The following SGCD variants were observed in gnomAD, a reference collection of about 807,000 sequenced individuals.
SGCD encodes sarcoglycan delta.
SGCD carries 18 observed loss-of-function variants against 36.6 expected under a neutral mutation model. That is an observed-to-expected ratio of 0.49 (90% CI 0.34 to 0.73). The LOEUF is 0.73. SGCD is among the 30% of genes least tolerant of loss of function. SGCD has a pLI of 0.01. For synonymous variants in SGCD, 133 were observed against 130.6 expected (o/e 1.02, Z -0.12); for missense variants, 387 against 346.7 (o/e 1.12, Z -0.92).
intron 3 of SGCD, among the ~76,000 whole-genome samples, chr5:156,352,844 A>G (rs1355265066): frequency 6.6e-6 from 1 of 152,202 alleles, no homozygotes; most frequent in Non-Finnish European, 1.5e-5. Flanking sequence ...GTGAATGATG[A>G]AACTGGGATG....
At position 156,047,799 on chromosome 5, in the gene SGCD, T is replaced by G. The variant is rs180803430; in HGVS notation, c.-281-70079T>G. Among the ~76,000 whole-genome samples the G allele has an allele frequency of 1.9e-3, 288 of 152,236 alleles. 1 individual carries two copies. The highest frequency in any genetic ancestry group is 6.8e-3 in the African/African-American group (281 of 41,556). Reference sequence around the variant, plus strand: ...CAGCCCATGGATCAAAGATTTATTTTGAATTTCAAGCCTTATTTCTCTTTT... The same window carrying G: ...CAGCCCATGGATCAAAGATTTATTTGGAATTTCAAGCCTTATTTCTCTTTT... On this transcript the variant is annotated intron_variant, in intron 1 of 9. Transcript: ENST00000517913.
intron 3 of SGCD, among the ~76,000 whole-genome samples, chr5:156,274,032 C>T (rs1321014973): frequency 6.6e-6 from 1 of 152,070 alleles, no homozygotes; most frequent in Admixed American, 6.6e-5. Context: ...CATTTGCATC[C>T]CCAGGGGGCT....
chr5:156,225,681 T>G (rs1308161587), intron 3 of SGCD, among the ~76,000 whole-genome samples: 3 of 152,042 alleles, frequency 2.0e-5, no homozygotes, highest in African/African-American at 7.2e-5. Flanking sequence ...ATTGTCTCTA[T>G]CAATAGTATC....
chr5:156,135,407 A>ATGTG (rs1173148476), intron 3 of SGCD, among the ~76,000 whole-genome samples: 1 of 152,138 alleles, frequency 6.6e-6, no homozygotes, highest in Non-Finnish European at 1.5e-5. Flanking sequence ...GATATAAGAC[A>ATGTG]CCTGGTACAT....
At chr5:156,217,711 CATAA>C (rs1329932173) in intron 3 of SGCD, among the ~76,000 whole-genome samples, 1 of 151,846 alleles carries the variant, frequency 6.6e-6, no homozygotes, top group East Asian at 1.9e-4. Context: ...TCAGGCAGGG[CATAA>C]ATAAATTAAT....
chr5:156,103,453 C>G (rs1188377291), intron 1 of SGCD, among the ~76,000 whole-genome samples: 1 of 150,396 alleles, frequency 6.6e-6, no homozygotes, highest in East Asian at 1.9e-4. Flanking sequence ...TTTATTTCTT[C>G]TCAGTTTAAC....
chr5:156,528,738 A>G (rs541550763), intron 4 of SGCD, among the ~76,000 whole-genome samples: 17 of 152,278 alleles, frequency 1.1e-4, no homozygotes, highest in Admixed American at 5.2e-4. Context: ...TTGACCTCCT[A>G]TATGCCTTGA....
At chr5:155,904,511 T>A (rs1242218603) in intron 1 of SGCD, among the ~76,000 whole-genome samples, 2 of 152,228 alleles carry the variant, frequency 1.3e-5, no homozygotes, top group South Asian at 2.1e-4. Flanking sequence ...TTTTAATTTG[T>A]TCGTATGTTT....
intron 1 of SGCD, among the ~76,000 whole-genome samples, chr5:156,034,242 C>T (rs1052050935): frequency 6.6e-6 from 1 of 152,160 alleles, no homozygotes; most frequent in Non-Finnish European, 1.5e-5. Flanking sequence ...CATTTAGGAT[C>T]CAGATCCAAG....
chr5:156,075,439 T>A (rs1190613432), intron 1 of SGCD, among the ~76,000 whole-genome samples: 1 of 152,196 alleles, frequency 6.6e-6, no homozygotes, highest in Non-Finnish European at 1.5e-5. Flanking sequence ...AGAGGTAGTC[T>A]ATAAGAGACT....
chr5:156,380,286 C>CGTT, intron 3 of SGCD, among the ~76,000 whole-genome samples: 1 of 152,262 alleles, frequency 6.6e-6, no homozygotes, highest in South Asian at 2.1e-4. Context: ...CCAAAGGAGA[C>CGTT]GTTGAAATGC....
At chr5:156,119,096 A>G (rs1414021211) in intron 2 of SGCD, among the ~76,000 whole-genome samples, 3 of 152,176 alleles carry the variant, frequency 2.0e-5, no homozygotes, top group Non-Finnish European at 4.4e-5. Flanking sequence ...TAGTGGGACC[A>G]ACTCTAGGCC....
At chr5:156,433,058 G>A (rs1368475671) in intron 3 of SGCD, among the ~76,000 whole-genome samples, 2 of 152,192 alleles carry the variant, frequency 1.3e-5, no homozygotes, top group Non-Finnish European at 2.9e-5. Flanking sequence ...AGTTGGGGGT[G>A]TCTTTCAATG....
At chr5:156,583,468 T>C (rs1399837156) in intron 4 of SGCD, among the ~76,000 whole-genome samples, 1 of 152,120 alleles carries the variant, frequency 6.6e-6, no homozygotes, top group Non-Finnish European at 1.5e-5. Context: ...TCCACTCCAG[T>C]TCAGGTTGCT....
intron 1 of SGCD, among the ~76,000 whole-genome samples, chr5:155,897,864 T>A (rs1580978410): frequency 6.6e-6 from 1 of 152,214 alleles, no homozygotes; most frequent in African/African-American, 2.4e-5. Context: ...ATGCAGCACA[T>A]GATTGTACTC....
chr5:156,334,844 G>A (rs1768260919), intron 2 of SGCD, among the ~76,000 whole-genome samples: 1 of 152,082 alleles, frequency 6.6e-6, no homozygotes. Context: ...CATATTTGCA[G>A]GTGGTGGCAG....
At position 156,054,985 on chromosome 5, in the gene SGCD, A is replaced by C. The variant is rs1211863798; in HGVS notation, c.-281-62893A>C. 2.1e-5 allele frequency among the ~76,000 whole-genome samples: 3 copies of C among 146,254 alleles called. 1 individual carries two copies. Among genetic ancestry groups the C allele is most frequent in the Non-Finnish European group, 4.6e-5 (3 of 64,890 alleles). On this transcript the variant is annotated intron_variant, in intron 1 of 9. Transcript: ENST00000517913. ...CTCATTCAGTTTATAGGTGTGGTCCAAAAGGAAGCTGTTTTAAGCCCACCC... is the reference window on the plus strand; with the variant it reads ...CTCATTCAGTTTATAGGTGTGGTCCCAAAGGAAGCTGTTTTAAGCCCACCC...
rs568833418 is a variant in SGCD at position 156,159,074 on chromosome 5, T to C, written c.-44+35055T>C. Among the ~76,000 whole-genome samples the C allele has an allele frequency of 5.9e-5, 9 of 151,782 alleles. No individual in the cohort carries two copies. In the South Asian group the frequency reaches 1.9e-3, roughly 31 times the overall value. On this transcript the variant is annotated intron_variant, in intron 3 of 9. Coordinates refer to the SGCD transcript ENST00000517913. ...TTCCCATCTCATTCCTCAACTTTTA[T>C]TAGCGTATGTGACCAGCACTCTGAG...
chr5:156,205,286 G>T (rs1298000922), intron 3 of SGCD, among the ~76,000 whole-genome samples: 6 of 152,042 alleles, frequency 3.9e-5, no homozygotes, highest in Non-Finnish European at 1.5e-5. Flanking sequence ...AGATTCTTTT[G>T]TTGGAAGCTG....
Sources: allele counts gnomAD v4.1 joint callset (sites outside exome capture counted in the v4.1 genomes callset), GRCh38; gene constraint gnomAD v4.1.1; transcripts MANE v1.5; gene names NCBI Gene and HGNC (gene_info 2026-07-23, HGNC 2026-07-21).